RPAP2: variants seen among roughly 807,000 people sequenced by gnomAD.
The protein encoded by RPAP2 is putative RNA polymerase II subunit B1 CTD phosphatase RPAP2.
RPAP2 carries 52 observed loss-of-function variants against 73.1 expected under a neutral mutation model. The ratio of observed to expected loss-of-function variants is 0.71; its 90% CI spans 0.57 to 0.90. The LOEUF (loss-of-function observed/expected upper bound fraction) is 0.90, where lower values mean the gene tolerates loss of function less well. Among genes scored for constraint, RPAP2 ranks in the 40% least tolerant of loss-of-function variants. The probability of loss-of-function intolerance (pLI) is 0.00; values close to 1 mark genes in which losing one functional copy is unlikely to be tolerated. For synonymous variants in RPAP2, 225 were observed against 242.1 expected, an observed-to-expected ratio of 0.93 and a Z score of 0.65; for missense variants, 598 against 701.8, an observed-to-expected ratio of 0.85 and a Z score of 1.67.
intron 7 of RPAP2, among the ~76,000 whole-genome samples, chr1:92,321,476 A>ATT (rs35691228): frequency 2.0e-5 from 3 of 151,338 alleles, no homozygotes; most frequent in African/African-American, 7.3e-5. Context: ...ATATATATAT[A>ATT]TTTTTTTCTT....
At chr1:92,301,726 C>A in intron 3 of RPAP2, 136 bp downstream of exon 3, 1 of 425,438 alleles carries the variant, frequency 2.4e-6, no homozygotes. Flanking sequence ...CCATATAATT[C>A]ATGCATTTAA....
intron 3 of RPAP2, among the ~76,000 whole-genome samples, chr1:92,303,435 A>G (rs1312485685): frequency 6.6e-6 from 1 of 152,204 alleles, no homozygotes; most frequent in African/African-American, 2.4e-5. Context: ...AAAGGAAAAT[A>G]TTTGATGTTA....
chr1:92,359,147 A>G (rs1483507668), intron 11 of RPAP2, among the ~76,000 whole-genome samples: 2 of 152,230 alleles, frequency 1.3e-5, no homozygotes, highest in African/African-American at 2.4e-5. Flanking sequence ...AAAGGAAGAG[A>G]CAAATTATGA....
intron 11 of RPAP2, among the ~76,000 whole-genome samples, chr1:92,351,616 G>C (rs1272302656): frequency 2.6e-5 from 4 of 152,034 alleles, no homozygotes; most frequent in Non-Finnish European, 5.9e-5. Flanking sequence ...TGTGACCTCT[G>C]TCAGTATATT....
intron 5 of RPAP2, among the ~76,000 whole-genome samples, chr1:92,306,379 TACC>T (rs1158364560): frequency 3.9e-5 from 6 of 152,234 alleles, no homozygotes; most frequent in African/African-American, 1.2e-4. Context: ...ATGTATATTT[TACC>T]ACAATTGTGA....
intron 10 of RPAP2, among the ~76,000 whole-genome samples, chr1:92,342,396 G>T (rs868420337): frequency 6.6e-5 from 10 of 152,326 alleles, no homozygotes; most frequent in Middle Eastern, 3.4e-3. Context: ...AGAGTAGAGA[G>T]ATATGTGGTC....
At chr1:92,314,461 T>C (rs1030516864) in intron 6 of RPAP2, among the ~76,000 whole-genome samples, 4 of 152,148 alleles carry the variant, frequency 2.6e-5, no homozygotes, top group African/African-American at 9.7e-5. Flanking sequence ...GATAGACTCT[T>C]AGATTACAGC....
chr1:92,371,319 A>AAAAATATATATATATATAT (rs1199565882), intron 11 of RPAP2, among the ~76,000 whole-genome samples: 1 of 61,728 alleles, frequency 1.6e-5, no homozygotes, highest in African/African-American at 7.2e-5. Flanking sequence ...AAAAAAAAAA[A>AAAAATATATATATATATAT]ATATATATAT....
intron 11 of RPAP2, among the ~76,000 whole-genome samples, chr1:92,359,625 C>G (rs80309918): frequency 6.6e-6 from 1 of 152,200 alleles, no homozygotes; most frequent in African/African-American, 2.4e-5. Flanking sequence ...TGGCAATGCA[C>G]TTGGTTTTAT....
At chr1:92,376,965 C>A (rs912543324) in intron 11 of RPAP2, among the ~76,000 whole-genome samples, 3 of 152,056 alleles carry the variant, frequency 2.0e-5, no homozygotes, top group African/African-American at 4.8e-5. Flanking sequence ...GATCTCTGTA[C>A]ATTTAAAGGA....
intron 6 of RPAP2, among the ~76,000 whole-genome samples, chr1:92,314,915 C>G (rs1411245372): frequency 1.3e-5 from 2 of 149,288 alleles, no homozygotes; most frequent in Non-Finnish European, 3.0e-5. Context: ...CATGGTGGCT[C>G]ACGCCTGTAA....
chr1:92,317,020 A>AT lies in RPAP2; in HGVS notation c.489-3577dup, dbSNP rs1440150219. ...GAGAAGAAAATAGTTTGTAAAGTAT[A>AT]TTGAGTTCCTGTGAAAGGGATTAAG... On this transcript the variant is annotated intron_variant, in intron 6 of 12. Transcript: ENST00000610020. Among the ~76,000 whole-genome samples, 2 of 152,178 alleles carry AT rather than the reference A, an allele frequency of 1.3e-5. 1 individual carries two copies. Among genetic ancestry groups the AT allele is most frequent in the East Asian group, 3.8e-4 (2 of 5,200 alleles).
chr1:92,338,648 ATTTTTTTTTT>A (rs11455274), intron 10 of RPAP2, among the ~76,000 whole-genome samples: 2 of 142,690 alleles, frequency 1.4e-5, no homozygotes, highest in Non-Finnish European at 3.0e-5. Context: ...CTGATCATTG[ATTTTTTTTTT>A]TTTTTTTTTA....
chr1:92,371,593 C>T (rs975808660), intron 11 of RPAP2, among the ~76,000 whole-genome samples: 15 of 151,568 alleles, frequency 9.9e-5, no homozygotes, highest in African/African-American at 2.2e-4. Context: ...ATATAAACAG[C>T]GGCATATATT....
intron 11 of RPAP2, among the ~76,000 whole-genome samples, chr1:92,371,252 C>T (rs1655134683): frequency 6.6e-6 from 1 of 151,214 alleles, no homozygotes; most frequent in South Asian, 2.1e-4. Flanking sequence ...TCGCAGTGAG[C>T]TGAGATCGTG....
intron 11 of RPAP2, among the ~76,000 whole-genome samples, chr1:92,351,830 G>A (rs1654234467): frequency 6.6e-6 from 1 of 152,114 alleles, no homozygotes; most frequent in African/African-American, 2.4e-5. Flanking sequence ...TACTTAAAAT[G>A]TAACTTTTCC....
intron 11 of RPAP2, among the ~76,000 whole-genome samples, chr1:92,358,020 G>A (rs774872784): frequency 1.3e-5 from 2 of 152,170 alleles, no homozygotes; most frequent in Non-Finnish European, 2.9e-5. Flanking sequence ...TCAAACTCCT[G>A]GGTTCAAGTG....
At chr1:92,363,840 A>T (rs1470654550) in intron 11 of RPAP2, 1 of 225,486 alleles carries the variant, frequency 4.4e-6, no homozygotes, top group African/African-American at 2.3e-5. Context: ...TATTATAAGG[A>T]TCTAATACAT....
intron 6 of RPAP2, among the ~76,000 whole-genome samples, chr1:92,317,819 CAGG>C (rs1451069277): frequency 4.6e-5 from 7 of 152,210 alleles, no homozygotes; most frequent in African/African-American, 1.7e-4. Flanking sequence ...AGTTGTATAG[CAGG>C]AGATGTTGCA....
Sources: allele counts gnomAD v4.1 joint callset (sites outside exome capture counted in the v4.1 genomes callset), GRCh38; gene constraint gnomAD v4.1.1; transcripts MANE v1.5; gene names NCBI Gene and HGNC (gene_info 2026-07-23, HGNC 2026-07-21).